Variants in TNFSF8 observed in about 807,000 individuals in gnomAD.
The protein encoded by TNFSF8 is tumor necrosis factor ligand superfamily member 8.
TNFSF8 carries 4 observed loss-of-function variants against 22.0 expected under a neutral mutation model. The ratio of observed to expected loss-of-function variants is 0.18; its 90% CI spans 0.09 to 0.42. TNFSF8 has a LOEUF of 0.42. Among genes scored for constraint, TNFSF8 ranks in the 10% least tolerant of loss-of-function variants. The pLI is 1.00. For missense variants in TNFSF8, 233 were observed against 281.8 expected, an observed-to-expected ratio of 0.83 and a Z score of 1.24; for synonymous variants, 106 against 112.5, an observed-to-expected ratio of 0.94 and a Z score of 0.37.
chr9:114,924,816 T>G (rs1466438985), intron 1 of TNFSF8, among the ~76,000 whole-genome samples: 2 of 152,194 alleles, frequency 1.3e-5, no homozygotes, highest in Non-Finnish European at 2.9e-5. Flanking sequence ...GTGTTTGGGC[T>G]TCATCTGCTC....
chr9:114,928,904 T>C (rs1430337810), intron 1 of TNFSF8, among the ~76,000 whole-genome samples: 3 of 152,184 alleles, frequency 2.0e-5, no homozygotes, highest in African/African-American at 7.2e-5. Context: ...TTCCAGCAAT[T>C]GATAAGCTAT....
At position 114,903,289 on chromosome 9, in the gene TNFSF8, CCAG is replaced by C. The variant is rs1442323791; in HGVS notation, c.*639_*641del. The C allele has an allele frequency of 1.3e-5, 2 of 152,234 alleles. No homozygotes were observed. The highest frequency in any genetic ancestry group is 4.8e-5 in the African/African-American group (2 of 41,434). 9.4% of individuals were successfully genotyped at this position (152,234 alleles called of 1,614,324 possible). On this transcript the variant is annotated 3_prime_UTR_variant, in exon 4 of 4. Transcript: ENST00000223795. ...TCCATCTCAGGAACAGGGGGCTGTC[CCAG>C]CCTGGTTTTCCCTGGGGGTTCCTAG...
chr9:114,910,349 T>C (rs1307306048), intron 2 of TNFSF8, among the ~76,000 whole-genome samples: 1 of 152,038 alleles, frequency 6.6e-6, no homozygotes, highest in Non-Finnish European at 1.5e-5. Context: ...ACAGAAAGGG[T>C]CACTAAATGC....
At chr9:114,919,104 T>C (rs1181681022) in intron 1 of TNFSF8, among the ~76,000 whole-genome samples, 1 of 151,984 alleles carries the variant, frequency 6.6e-6, no homozygotes, top group East Asian at 1.9e-4. Flanking sequence ...TCTCCTGTGG[T>C]TGGAAATTCT....
At chr9:114,894,866 C>T (rs1032451486) in intron 4 of TNFSF8, among the ~76,000 whole-genome samples, 6 of 152,166 alleles carry the variant, frequency 3.9e-5, no homozygotes, top group African/African-American at 1.4e-4. Flanking sequence ...AGAAATGAAG[C>T]CTCCTTCAGT....
At chr9:114,927,261 G>GT (rs569475379) in intron 1 of TNFSF8, among the ~76,000 whole-genome samples, 1 of 151,164 alleles carries the variant, frequency 6.6e-6, no homozygotes, top group Non-Finnish European at 1.5e-5. Flanking sequence ...GGATTTTGTT[G>GT]TTTTTTTTCA....
intron 2 of TNFSF8, among the ~76,000 whole-genome samples, chr9:114,912,174 G>A (rs1457564265): frequency 6.6e-6 from 1 of 152,110 alleles, no homozygotes; most frequent in Non-Finnish European, 1.5e-5. Flanking sequence ...TTAAAAGTGA[G>A]AATAATAAAA....
chr9:114,893,908 C>G, exon 5 of TNFSF8: 1 of 578,894 alleles, frequency 1.7e-6, no homozygotes, highest in Non-Finnish European at 3.0e-6. Context: ...GGCCACGATT[C>G]CAAATCATGG....
downstream of TNFSF8, among the ~76,000 whole-genome samples, chr9:114,898,144 A>G (rs1304490140): frequency 2.0e-5 from 3 of 148,034 alleles, no homozygotes; most frequent in Non-Finnish European, 4.4e-5. Context: ...CTGTGATTAC[A>G]GGCGCACACC....
In TNFSF8 at chr9:114,908,758, C is replaced by T. The variant is rs1413279854; in HGVS notation, c.239-2859G>A. Among the ~76,000 whole-genome samples, 3 of 152,024 alleles carry T rather than the reference C, an allele frequency of 2.0e-5. No homozygotes were observed. In the East Asian group the frequency reaches 5.8e-4, roughly 29 times the overall value. ...GATGGTTTCTAGCTAAAGGGAAAAA[C>T]ACAGGCAGCCCTTTTAGGAATGATG... On this transcript the variant is annotated intron_variant, in intron 2 of 3. Coordinates refer to ENST00000223795, the MANE Select transcript of TNFSF8 (RefSeq NM_001244.4).
chr9:114,928,717 T>G (rs749639603), intron 1 of TNFSF8, among the ~76,000 whole-genome samples: 4 of 152,230 alleles, frequency 2.6e-5, no homozygotes, highest in Non-Finnish European at 5.9e-5. Flanking sequence ...TTATTATACT[T>G]AATAGATGTA....
intron 2 of TNFSF8, among the ~76,000 whole-genome samples, chr9:114,910,545 G>T (rs947017362): frequency 1.3e-5 from 2 of 152,192 alleles, no homozygotes; most frequent in Non-Finnish European, 1.5e-5. Context: ...AATGCAGGAA[G>T]AAGTGGGTTT....
rs201162109 is a variant in TNFSF8, at chr9:114,929,971, T to TAG, written c.195+137_195+138insCT. The TAG allele has an allele frequency of 7.2e-4, 237 of 329,702 alleles. 1 individual carries two copies. In the Middle Eastern group the frequency reaches 8.6e-3, roughly 12 times the overall value. 20.4% of individuals were successfully genotyped at this position (329,702 alleles called of 1,614,324 possible). A position where few individuals can be genotyped will look rare whatever the true frequency, so the allele number is the denominator to read the frequency against. On this transcript the variant is annotated intron_variant, in intron 1 of 3. Transcript: ENST00000223795. ...TACAGTATATACTATAGTATATATATATATATAGAGAGAGAGAGTTTATTT... is the reference window on the plus strand; with the variant it reads ...TACAGTATATACTATAGTATATATATAGATATATAGAGAGAGAGAGTTTATTT...
In TNFSF8 at chr9:114,904,178, T is replaced by C. The variant is rs1351992595; in HGVS notation, c.458A>G (p.Asn153Ser). 3 of 1,614,000 alleles carry C rather than the reference T, an allele frequency of 1.9e-6. No homozygotes were observed. The highest frequency in any genetic ancestry group is 2.5e-6 in the Non-Finnish European group (3 of 1,179,992). The change falls in exon 4 of 4, where the codon AAT (asparagine) becomes AGT (serine). Residue 153 changes from asparagine to serine, a missense_variant. By Grantham distance (46) the Asn-to-Ser change is conservative. Transcript: ENST00000223795. The stretch of plus-strand genomic sequence containing the variant: ...CTCCAACTTCAGATCGACAGAATTA[T>C]TTGGGCATTGTACAAGAAACTGCAG... ...CQLQFLVQCP[N>S]NSVDLKLELL...
chr9:114,904,434 A>G (rs773292256), intron 3 of TNFSF8, 109 bp from the exon 4 acceptor site: 2 of 1,427,972 alleles, frequency 1.4e-6, no homozygotes, highest in South Asian at 2.8e-5. Context: ...TGTTTTCTGT[A>G]ATGTTCCAAT....
At chr9:114,924,634 G>GT (rs1828034271) in intron 1 of TNFSF8, among the ~76,000 whole-genome samples, 1 of 152,136 alleles carries the variant, frequency 6.6e-6, no homozygotes, top group Non-Finnish European at 1.5e-5. Context: ...TTTTCTGTAG[G>GT]TTTGAACATT....
chr9:114,914,058 A>C (rs1827885144), intron 2 of TNFSF8, among the ~76,000 whole-genome samples: 1 of 152,232 alleles, frequency 6.6e-6, no homozygotes, highest in Non-Finnish European at 1.5e-5. Flanking sequence ...TCATTCTGCA[A>C]ATCAAAGTCA....
In TNFSF8 at chr9:114,918,813, T is replaced by C. The variant is rs372641315; in HGVS notation, c.196-675A>G. ...ACAGGGTTTCACCATATTGGCCAGGTTGGTCTCGAACTCCTGACCTTGTGG... is the reference window on the plus strand; with the variant it reads ...ACAGGGTTTCACCATATTGGCCAGGCTGGTCTCGAACTCCTGACCTTGTGG... On this transcript the variant is annotated intron_variant, in intron 1 of 3. Transcript: ENST00000223795. Among the ~76,000 whole-genome samples, 3 of 152,194 alleles carry C rather than the reference T, an allele frequency of 2.0e-5. No homozygotes were observed. The South Asian group carries it at 6.2e-4, about 32-fold the overall frequency.
rs369533969 is a variant in TNFSF8 at position 114,929,962 on chromosome 9, GTA to G, written c.195+145_195+146del. On this transcript the variant is annotated intron_variant, in intron 1 of 3. Transcript: ENST00000223795. The stretch of plus-strand genomic sequence containing the variant: ...ATTACGTTATACAGTATATACTATA[GTA>G]TATATATATATATAGAGAGAGAGAG... The G allele has an allele frequency of 6.3e-3, 1,658 of 263,908 alleles. 1 individual carries two copies. The highest frequency in any genetic ancestry group is 0.019 in the East Asian group (305 of 16,460). The allele number at this position is 263,908 out of a possible 1,614,324, so 16.3% of individuals were successfully genotyped here.
Sources: allele counts gnomAD v4.1 joint callset (sites outside exome capture counted in the v4.1 genomes callset), GRCh38; gene constraint gnomAD v4.1.1; transcripts MANE v1.5; gene names NCBI Gene and HGNC (gene_info 2026-07-23, HGNC 2026-07-21).